SEMA3D: variants seen among roughly 807,000 people sequenced by gnomAD.
The protein encoded by SEMA3D is semaphorin 3D, also known as semaphorin-3D.
SEMA3D carries 84 observed loss-of-function variants against 100.1 expected under a neutral mutation model. That is an observed-to-expected ratio of 0.84 (90% CI 0.70 to 1.01). The LOEUF (loss-of-function observed/expected upper bound fraction) is 1.01, where lower values mean the gene tolerates loss of function less well. SEMA3D is among the 50% of genes least tolerant of loss of function. SEMA3D has a pLI of 0.00. For missense variants in SEMA3D, 875 were observed against 934.1 expected (o/e 0.94, Z 0.82); for synonymous variants, 312 against 320.7 (o/e 0.97, Z 0.29).
At chr7:85,107,074 C>T (rs983920565) in intron 3 of SEMA3D, among the ~76,000 whole-genome samples, 4 of 151,896 alleles carry the variant, frequency 2.6e-5, no homozygotes, top group Non-Finnish European at 5.9e-5. Context: ...CACCCTCTCT[C>T]GGTATTATGA....
At chr7:85,182,071 A>G (rs1445513463) in intron 1 of SEMA3D, among the ~76,000 whole-genome samples, 1 of 152,126 alleles carries the variant, frequency 6.6e-6, no homozygotes, top group Admixed American at 6.5e-5. Flanking sequence ...GTTATGGTGA[A>G]TTCTTCTTTT....
rs758734376 is a variant in SEMA3D, at chr7:85,073,021, A to C, written c.436T>G (p.Cys146Gly). 1.1e-5 allele frequency: 17 copies of C among 1,607,308 alleles called. No individual in the cohort carries two copies. Among genetic ancestry groups the C allele is most frequent in the Non-Finnish European group, 8.5e-7 (1 of 1,174,200 alleles). The part of the protein sequence containing the change: ...QPYNKTHIYV[C>G]GTGAFHPICG... ...ATTGGATGAAATGCTCCAGTTCCACACACATATATGTGAGTTTTGTTATAG... is the reference window on the plus strand; with the variant it reads ...ATTGGATGAAATGCTCCAGTTCCACCCACATATATGTGAGTTTTGTTATAG... Residue 146 changes from cysteine (C) to glycine (G), a missense_variant, in exon 6 of 19, where the codon TGT (cysteine) becomes GGT (glycine). Coordinates refer to ENST00000284136, the MANE Select transcript of SEMA3D (RefSeq NM_001384900.1).
At chr7:85,023,052 AAC>A (rs1161445308) in intron 12 of SEMA3D, among the ~76,000 whole-genome samples, 2 of 151,844 alleles carry the variant, frequency 1.3e-5, no homozygotes, top group African/African-American at 4.8e-5. Flanking sequence ...AAAAGGAACA[AAC>A]AGTTCACAAA....
intron 3 of SEMA3D, among the ~76,000 whole-genome samples, chr7:85,099,400 T>G (rs1788675336): frequency 6.6e-6 from 1 of 151,996 alleles, no homozygotes; most frequent in Non-Finnish European, 1.5e-5. Flanking sequence ...ACTTTTGCCC[T>G]CTGCCATGAT....
At chr7:85,146,718 C>G (rs1394605886) in intron 2 of SEMA3D, among the ~76,000 whole-genome samples, 3 of 152,000 alleles carry the variant, frequency 2.0e-5, no homozygotes, top group Admixed American at 6.6e-5. Flanking sequence ...AAGCACCAGT[C>G]TTCCGTTTAC....
chr7:85,158,355 C>A (rs190627888), intron 1 of SEMA3D, among the ~76,000 whole-genome samples: 23 of 152,256 alleles, frequency 1.5e-4, no homozygotes, highest in Admixed American at 1.4e-3. Context: ...TCGAAAATGG[C>A]CGCTTTGGGG....
At chr7:85,087,936 A>T (rs1300880549) in intron 4 of SEMA3D, among the ~76,000 whole-genome samples, 1 of 152,174 alleles carries the variant, frequency 6.6e-6, no homozygotes, top group Admixed American at 6.5e-5. Context: ...CTCCTTAAAT[A>T]GGCTTTGTGC....
chr7:85,061,134 A>G (rs10240333), intron 8 of SEMA3D, among the ~76,000 whole-genome samples: 6,506 of 152,244 alleles, frequency 0.043, 470 homozygotes, highest in African/African-American at 0.15. Context: ...GCCCATAAAA[A>G]TACTGTAAAA....
intron 12 of SEMA3D, among the ~76,000 whole-genome samples, chr7:85,022,952 A>T (rs972034131): frequency 6.6e-6 from 1 of 151,940 alleles, no homozygotes; most frequent in Non-Finnish European, 1.5e-5. Flanking sequence ...ATCTATAAAC[A>T]TGAGAACACG....
chr7:85,100,202 T>C (rs968447844), intron 3 of SEMA3D, among the ~76,000 whole-genome samples: 10 of 151,992 alleles, frequency 6.6e-5, no homozygotes, highest in Non-Finnish European at 1.2e-4. Context: ...TGCATAGTTA[T>C]ACAAATGAAG....
intron 1 of SEMA3D, among the ~76,000 whole-genome samples, chr7:85,184,796 C>G (rs1280263292): frequency 6.6e-6 from 1 of 152,158 alleles, no homozygotes; most frequent in African/African-American, 2.4e-5. Flanking sequence ...GGTCATTGCC[C>G]ATCTCCCTGA....
At chr7:85,146,089 C>T (rs904888782) in intron 2 of SEMA3D, among the ~76,000 whole-genome samples, 1 of 151,980 alleles carries the variant, frequency 6.6e-6, no homozygotes, top group Non-Finnish European at 1.5e-5. Context: ...ATACAGAGGG[C>T]TAATTGTACA....
At chr7:85,049,612 C>G (rs1168772594) in intron 9 of SEMA3D, among the ~76,000 whole-genome samples, 2 of 151,714 alleles carry the variant, frequency 1.3e-5, no homozygotes, top group African/African-American at 4.8e-5. Flanking sequence ...AACTCGTGGG[C>G]ACTAAATCTC....
chr7:85,065,359 T>G, intron 8 of SEMA3D, 65 bp downstream of exon 8: 1 of 1,406,608 alleles, frequency 7.1e-7, no homozygotes, highest in Non-Finnish European at 9.9e-7. Flanking sequence ...TGAATAATAA[T>G]ACACTTCTTA....
At chr7:85,019,008 G>T (rs1373696197) in intron 14 of SEMA3D, among the ~76,000 whole-genome samples, 1 of 149,394 alleles carries the variant, frequency 6.7e-6, no homozygotes. Context: ...AAGATTTAAA[G>T]AAATATATGA....
chr7:85,095,060 T>C (rs937275757), intron 4 of SEMA3D, among the ~76,000 whole-genome samples: 4 of 152,030 alleles, frequency 2.6e-5, no homozygotes, highest in Non-Finnish European at 4.4e-5. Context: ...AGTGGAAATG[T>C]TCCCCAAAAA....
intron 2 of SEMA3D, among the ~76,000 whole-genome samples, chr7:85,126,623 T>C (rs1176258225): frequency 6.6e-6 from 1 of 152,058 alleles, no homozygotes; most frequent in African/African-American, 2.4e-5. Context: ...TTTTGCCAAA[T>C]TGCTGCTCCT....
chr7:85,147,179 C>T (rs182120112), intron 2 of SEMA3D, among the ~76,000 whole-genome samples: 79 of 141,376 alleles, frequency 5.6e-4, no homozygotes, highest in African/African-American at 2.0e-3. Flanking sequence ...CTTGGCTCAC[C>T]GCAACCTCTG....
chr7:85,224,376 C>T, the SEMA3D span, among the ~76,000 whole-genome samples: 192 of 152,296 alleles, frequency 1.3e-3, 1 homozygote, highest in Non-Finnish European at 1.9e-3. Context: ...GAGCACAATT[C>T]GTCGTCTTGG....
Sources: gnomAD v4.1 joint callset for allele counts (sites outside exome capture counted in the v4.1 genomes callset) on GRCh38, gnomAD v4.1.1 for gene constraint, MANE v1.5 for transcripts, NCBI Gene and HGNC (gene_info 2026-07-23, HGNC 2026-07-21) for gene names.